The following NAALADL2 variants were observed in gnomAD, a reference collection of about 807,000 sequenced individuals.
NAALADL2 encodes the protein N-acetylated alpha-linked acidic dipeptidase like 2.
A neutral mutation model predicts 87.2 loss-of-function variants in NAALADL2; 76 were observed. The ratio of observed to expected loss-of-function variants is 0.87; its 90% CI spans 0.72 to 1.05. The LOEUF is 1.05. NAALADL2 is among the 50% of genes least tolerant of loss of function. The probability of loss-of-function intolerance (pLI) is 0.00; values close to 1 mark genes in which losing one functional copy is unlikely to be tolerated. For synonymous variants in NAALADL2, 354 were observed against 331.0 expected (o/e 1.07, Z -0.75); for missense variants, 1,089 against 945.8 (o/e 1.15, Z -1.99).
intron 3 of NAALADL2, among the ~76,000 whole-genome samples, chr3:174,828,167 C>CACACAACACAACACAACACA (rs141062835): frequency 8.1e-4 from 123 of 151,692 alleles, no homozygotes; most frequent in African/African-American, 2.4e-3. Flanking sequence ...AAACCAACCA[C>CACACAACACAACACAACACA]ACACAACACA....
intron 1 of NAALADL2, among the ~76,000 whole-genome samples, chr3:174,541,914 AAGC>A (rs5854579): frequency 0.78 from 118,528 of 151,626 alleles, 46,417 homozygotes; most frequent in African/African-American, 0.81. Flanking sequence ...ATGTCCATTG[AAGC>A]AGCAGCAGCG....
intron 1 of NAALADL2, among the ~76,000 whole-genome samples, chr3:174,922,397 T>A (rs1346835183): frequency 1.3e-5 from 2 of 151,742 alleles, no homozygotes; most frequent in African/African-American, 4.8e-5. Flanking sequence ...GTTGCAAAAA[T>A]AAGACACAAG....
rs1560943850 is a variant in NAALADL2 at position 175,667,254 on chromosome 3, AAAG to A, written c.1896+39871_1896+39873del. On this transcript the variant is annotated intron_variant, in intron 11 of 13. Transcript: ENST00000454872. ...AAGAAAGAAAGAAAAAGAAAGAAAG[AAAG>A]AAAGAAAGGAAGGAAGGGATGGGGA... 4.3e-3 allele frequency among the ~76,000 whole-genome samples: 596 copies of A among 140,150 alleles called. 1 individual carries two copies. Among genetic ancestry groups the A allele is most frequent in the African/African-American group, 0.017 (565 of 32,686 alleles). 91.9% of individuals were successfully genotyped at this position (140,150 alleles called of 152,430 possible). A position where few individuals can be genotyped will look rare whatever the true frequency, so the allele number is the denominator to read the frequency against.
intron 10 of NAALADL2, among the ~76,000 whole-genome samples, chr3:175,623,652 A>G (rs1726564463): frequency 6.6e-6 from 1 of 152,116 alleles, no homozygotes; most frequent in Non-Finnish European, 1.5e-5. Flanking sequence ...TGTGAAGAAC[A>G]AAGCAGAAAG....
chr3:174,828,709 G>A (rs1722277961), intron 3 of NAALADL2, among the ~76,000 whole-genome samples: 1 of 152,098 alleles, frequency 6.6e-6, no homozygotes, highest in African/African-American at 2.4e-5. Context: ...GATAAACATG[G>A]TTATGCACAT....
rs117125453 is a variant in NAALADL2, at chr3:175,015,009, G to T, written c.44-81781G>T. On this transcript the variant is annotated intron_variant, in intron 1 of 13. Coordinates refer to ENST00000454872, the MANE Select transcript of NAALADL2 (RefSeq NM_207015.3). ...TTCATTTAACATTAGATGTGTATTA[G>T]ATTTTCTCAATAGAAAGCATGTCAA... Among the ~76,000 whole-genome samples, 6 of 152,092 alleles carry T rather than the reference G, an allele frequency of 3.9e-5. No individual in the cohort carries two copies. In the East Asian group the frequency reaches 1.2e-3, roughly 29 times the overall value.
At chr3:175,443,867 C>T (rs1000334574) in intron 5 of NAALADL2, among the ~76,000 whole-genome samples, 1 of 151,834 alleles carries the variant, frequency 6.6e-6, no homozygotes, top group Non-Finnish European at 1.5e-5. Context: ...AAAAAAGGTG[C>T]AGATATAGCA....
intron 2 of NAALADL2, among the ~76,000 whole-genome samples, chr3:175,138,682 G>A (rs9290538): frequency 0.096 from 14,160 of 148,022 alleles, 1,628 homozygotes; most frequent in African/African-American, 0.28. Flanking sequence ...GGCTGAACTC[G>A]AGCTCCTAGG....
At chr3:175,028,969 G>A (rs7624659) in intron 1 of NAALADL2, among the ~76,000 whole-genome samples, 63,522 of 150,180 alleles carry the variant, frequency 0.42, 16,511 homozygotes, top group African/African-American at 0.74. Context: ...CTATAGTGTT[G>A]TAGATTTATT....
At chr3:175,224,504 C>G (rs1056655324) in intron 2 of NAALADL2, among the ~76,000 whole-genome samples, 9 of 152,106 alleles carry the variant, frequency 5.9e-5, no homozygotes, top group African/African-American at 2.2e-4. Context: ...TTAAGCCCTC[C>G]TTTGCTGAAT....
intron 9 of NAALADL2, among the ~76,000 whole-genome samples, chr3:175,568,874 A>T (rs1341323965): frequency 6.6e-6 from 1 of 152,250 alleles, no homozygotes; most frequent in African/African-American, 2.4e-5. Context: ...TTTCCAAATT[A>T]GCAATAAGTT....
intron 2 of NAALADL2, among the ~76,000 whole-genome samples, chr3:175,148,105 T>TA (rs1485124126): frequency 6.8e-6 from 1 of 146,710 alleles, no homozygotes; most frequent in Non-Finnish European, 1.5e-5. Context: ...ATAATAATAA[T>TA]AATAATAATA....
At chr3:174,713,149 C>CT (rs1349103231) in intron 2 of NAALADL2, among the ~76,000 whole-genome samples, 6 of 152,174 alleles carry the variant, frequency 3.9e-5, no homozygotes, top group South Asian at 4.1e-4. Context: ...TTTTTTATGG[C>CT]TGCATAGTAT....
intron 3 of NAALADL2, among the ~76,000 whole-genome samples, chr3:174,798,242 A>C (rs1002911713): frequency 6.6e-6 from 1 of 152,176 alleles, no homozygotes. Flanking sequence ...CATAGTTGTG[A>C]ATATTGTAGC....
chr3:175,464,512 G>C lies in NAALADL2; in HGVS notation c.1327+1019G>C, dbSNP rs190615513. 1.6e-3 allele frequency among the ~76,000 whole-genome samples: 251 copies of C among 152,168 alleles called. 3 individuals are homozygous for C. The highest frequency in any genetic ancestry group is 5.9e-3 in the African/African-American group (245 of 41,518). ...ATACTTCCAAACACATCGTAAGGCT[G>C]AATCACATATTACTGTCTAATGTGC... On this transcript the variant is annotated intron_variant, in intron 7 of 13. Transcript: ENST00000454872.
chr3:174,610,121 C>G (rs1719654569), intron 2 of NAALADL2, among the ~76,000 whole-genome samples: 1 of 150,744 alleles, frequency 6.6e-6, no homozygotes, highest in South Asian at 2.1e-4. Flanking sequence ...ATGTAGAAAG[C>G]TGTAACTGGA....
At chr3:175,623,381 G>T (rs1443684759) in intron 10 of NAALADL2, among the ~76,000 whole-genome samples, 1 of 149,512 alleles carries the variant, frequency 6.7e-6, no homozygotes, top group Non-Finnish European at 1.5e-5. Context: ...GTCTGAACTG[G>T]AATTAAAATC....
intron 3 of NAALADL2, among the ~76,000 whole-genome samples, chr3:174,761,172 G>A (rs1345597616): frequency 2.0e-5 from 3 of 152,120 alleles, no homozygotes; most frequent in African/African-American, 7.2e-5. Flanking sequence ...GGTTCTATAT[G>A]AAAATCTATT....
chr3:175,385,117 G>A (rs1219736662), intron 5 of NAALADL2, among the ~76,000 whole-genome samples: 8 of 151,988 alleles, frequency 5.3e-5, no homozygotes, highest in African/African-American at 1.7e-4. Context: ...CAAGCTTCAG[G>A]CACTTATTTC....
Sources: gnomAD v4.1 joint callset for allele counts (sites outside exome capture counted in the v4.1 genomes callset) on GRCh38, gnomAD v4.1.1 for gene constraint, MANE v1.5 for transcripts, NCBI Gene and HGNC (gene_info 2026-07-23, HGNC 2026-07-21) for gene names.